Variants in MYO3B observed in about 807,000 individuals in gnomAD.
The protein encoded by MYO3B is myosin-IIIb.
In MYO3B, 156 loss-of-function variants were observed where a neutral mutation model predicts 174.6. The observed-to-expected ratio is 0.89, with a 90% CI of 0.78 to 1.02. MYO3B has a LOEUF of 1.02. MYO3B is among the 50% of genes least tolerant of loss of function. The pLI is 0.00. For synonymous variants in MYO3B, 563 were observed against 569.1 expected (o/e 0.99, Z 0.15); for missense variants, 1,632 against 1,639.4 (o/e 1.00, Z 0.08).
chr2:170,600,282 G>A (rs370225897), intron 32 of MYO3B, among the ~76,000 whole-genome samples: 4 of 152,032 alleles, frequency 2.6e-5, no homozygotes, highest in African/African-American at 7.2e-5. Flanking sequence ...ACAAAAGCAC[G>A]TAAAATTATA....
In MYO3B at chr2:170,199,322, C is replaced by T; in HGVS notation, c.117C>T (p.Gly39=). Reference sequence around the variant, plus strand: ...AGACCATTGGTAAAGGCACCTATGGCAAAGTCTACAAGGTAACTAACAAGA... The same window carrying T: ...AGACCATTGGTAAAGGCACCTATGGTAAAGTCTACAAGGTAACTAACAAGA... ...IIETIGKGTY[G]KVYKVTNKRD... The change falls in exon 2 of 35, where the codon GGC becomes GGT. Residue 39 remains glycine (G), a synonymous_variant. Transcript: ENST00000408978. 7 of 1,613,448 alleles carry T rather than the reference C, an allele frequency of 4.3e-6. No homozygotes were observed. Among genetic ancestry groups the T allele is most frequent in the Non-Finnish European group, 5.9e-6 (7 of 1,179,600 alleles).
At chr2:170,560,479 T>A (rs2106250741) in intron 32 of MYO3B, among the ~76,000 whole-genome samples, 1 of 152,328 alleles carries the variant, frequency 6.6e-6, no homozygotes, top group Middle Eastern at 3.4e-3. Context: ...TTGTCTGACC[T>A]AATATACGTG....
At chr2:170,204,180 C>G (rs945365950) in intron 3 of MYO3B, among the ~76,000 whole-genome samples, 1 of 152,114 alleles carries the variant, frequency 6.6e-6, no homozygotes, top group Non-Finnish European at 1.5e-5. Flanking sequence ...TCGTCCAACA[C>G]CAGAGGAAAA....
intron 6 of MYO3B, among the ~76,000 whole-genome samples, chr2:170,222,310 G>A (rs1431724371): frequency 6.6e-6 from 1 of 152,168 alleles, no homozygotes; most frequent in Non-Finnish European, 1.5e-5. Context: ...TCCTCTCTTG[G>A]GGTTGAAGAC....
chr2:170,572,755 T>C (rs1692524163), intron 32 of MYO3B, among the ~76,000 whole-genome samples: 1 of 152,156 alleles, frequency 6.6e-6, no homozygotes, highest in Non-Finnish European at 1.5e-5. Context: ...CTTTTTGAAA[T>C]AATTTTAACA....
Position 170,198,539 on chromosome 2 carries a change from A to G in MYO3B, c.3-669A>G, listed in dbSNP as rs10208145. ...TCTGACTATTGATTTTCCTTCTACCATTCAGCAGTTCAGTAGTTTTGCGTA... is the reference window on the plus strand; with the variant it reads ...TCTGACTATTGATTTTCCTTCTACCGTTCAGCAGTTCAGTAGTTTTGCGTA... On this transcript the variant is annotated intron_variant, in intron 1 of 34. Transcript: ENST00000408978. Among the ~76,000 whole-genome samples, 1,295 of 152,328 alleles carry G rather than the reference A, an allele frequency of 8.5e-3. 21 individuals carry two copies. Among genetic ancestry groups the G allele is most frequent in the African/African-American group, 0.03 (1,246 of 41,584 alleles).
chr2:170,235,383 C>T (rs1352783103), intron 6 of MYO3B, among the ~76,000 whole-genome samples: 1 of 152,188 alleles, frequency 6.6e-6, no homozygotes. Context: ...TTTTCTGGTT[C>T]TGCTGCTCTT....
chr2:170,449,600 A>G (rs929400455), intron 23 of MYO3B, among the ~76,000 whole-genome samples: 3 of 152,108 alleles, frequency 2.0e-5, no homozygotes, highest in African/African-American at 7.2e-5. Flanking sequence ...CAACATGAAG[A>G]AACTCCATCT....
At chr2:170,343,920 C>CA (rs1364763949) in intron 8 of MYO3B, 1 of 152,196 alleles carries the variant, frequency 6.6e-6, no homozygotes, top group East Asian at 1.9e-4. Context: ...TAGAAAACCC[C>CA]AAAAACAGTG....
At chr2:170,587,074 G>A (rs1191430591) in intron 32 of MYO3B, among the ~76,000 whole-genome samples, 1 of 152,126 alleles carries the variant, frequency 6.6e-6, no homozygotes, top group Non-Finnish European at 1.5e-5. Context: ...TTTGCTGAAG[G>A]GTCACTTTGT....
chr2:170,600,553 C>T (rs1694443747), intron 32 of MYO3B, among the ~76,000 whole-genome samples: 1 of 148,448 alleles, frequency 6.7e-6, no homozygotes, highest in Non-Finnish European at 1.5e-5. Flanking sequence ...TAAAAGCTGG[C>T]CCAATTAATT....
intron 1 of MYO3B, among the ~76,000 whole-genome samples, chr2:170,187,823 T>C (rs2092485502): frequency 6.6e-6 from 1 of 152,190 alleles, no homozygotes. Flanking sequence ...TCCGTCATGG[T>C]TGGAGAAGAT....
chr2:170,203,347 T>C (rs915584698), intron 3 of MYO3B, among the ~76,000 whole-genome samples: 3 of 152,174 alleles, frequency 2.0e-5, no homozygotes, highest in Non-Finnish European at 4.4e-5. Flanking sequence ...AGAAATGGTT[T>C]GGAGTACTGG....
At chr2:170,540,977 G>C (rs938826563) in intron 30 of MYO3B, among the ~76,000 whole-genome samples, 15 of 152,218 alleles carry the variant, frequency 9.9e-5, no homozygotes, top group African/African-American at 3.6e-4. Flanking sequence ...TTTGCCTGTA[G>C]ACACTACTCC....
intron 29 of MYO3B, among the ~76,000 whole-genome samples, chr2:170,518,972 A>C (rs1291970060): frequency 6.6e-6 from 1 of 152,224 alleles, no homozygotes; most frequent in Non-Finnish European, 1.5e-5. Flanking sequence ...AAATGTGGAA[A>C]TAGGTTACTC....
intron 30 of MYO3B, chr2:170,524,507 G>T: frequency 2.2e-6 from 1 of 449,142 alleles, no homozygotes; most frequent in South Asian, 1.6e-5. Flanking sequence ...TTTTTGAGAT[G>T]GAGTTTCACT....
At chr2:170,405,912 A>G (rs1436789268) in intron 21 of MYO3B, among the ~76,000 whole-genome samples, 2 of 152,182 alleles carry the variant, frequency 1.3e-5, no homozygotes, top group African/African-American at 2.4e-5. Context: ...GAGAAAACAC[A>G]TTACAGCTTT....
At chr2:170,483,737 A>C (rs908190286) in intron 25 of MYO3B, among the ~76,000 whole-genome samples, 1 of 152,222 alleles carries the variant, frequency 6.6e-6, no homozygotes, top group Non-Finnish European at 1.5e-5. Flanking sequence ...AGAAAATAAC[A>C]AAATGGAGAA....
At chr2:170,210,751 GTTTTTA>G (rs1281069085) in intron 3 of MYO3B, among the ~76,000 whole-genome samples, 1 of 152,198 alleles carries the variant, frequency 6.6e-6, no homozygotes, top group East Asian at 1.9e-4. Context: ...CTTTAAGGCT[GTTTTTA>G]TTTCTCAAAG....
Sources: gnomAD v4.1 joint callset for allele counts (sites outside exome capture counted in the v4.1 genomes callset) on GRCh38, gnomAD v4.1.1 for gene constraint, MANE v1.5 for transcripts, NCBI Gene and HGNC (gene_info 2026-07-23, HGNC 2026-07-21) for gene names.